SYT16: variants seen among roughly 807,000 people sequenced by gnomAD.
SYT16 encodes the protein synaptotagmin-16.
In SYT16, 42 loss-of-function variants were observed where a neutral mutation model predicts 61.4. The ratio of observed to expected loss-of-function variants is 0.68; its 90% CI spans 0.53 to 0.89. The LOEUF (loss-of-function observed/expected upper bound fraction) is 0.89. Ranked by LOEUF, SYT16 falls within the 40% of genes least tolerant of loss-of-function variation. SYT16 has a pLI of 0.00. For synonymous variants in SYT16, 314 were observed against 302.3 expected, an observed-to-expected ratio of 1.04 and a Z score of -0.40; for missense variants, 804 against 807.3, an observed-to-expected ratio of 1.00 and a Z score of 0.05.
At chr14:62,065,416 G>C (rs2056020559) in intron 3 of SYT16, among the ~76,000 whole-genome samples, 1 of 152,112 alleles carries the variant, frequency 6.6e-6, no homozygotes. Flanking sequence ...TGGTATATAT[G>C]TTTAGTATAT....
chr14:62,033,258 A>G (rs1318292570), intron 3 of SYT16, among the ~76,000 whole-genome samples: 1 of 152,084 alleles, frequency 6.6e-6, no homozygotes, highest in Non-Finnish European at 1.5e-5. Context: ...TATGAATGAA[A>G]TCAACTGCAT....
chr14:61,854,142 A>G lies in SYT16; in HGVS notation c.-325+41332A>G, dbSNP rs115792055. On this transcript the variant is annotated intron_variant, in intron 1 of 7. Transcript: ENST00000683842. ...CACATATGCACATACACACATGTAT[A>G]CATGTATATATACTTTTTCCAGAGA... is the stretch of plus-strand genomic sequence containing the variant. Among the ~76,000 whole-genome samples the G allele has an allele frequency of 7.6e-3, 1,162 of 152,336 alleles. 14 individuals carry two copies. Among genetic ancestry groups the G allele is most frequent in the African/African-American group, 0.026 (1,079 of 41,590 alleles).
intron 1 of SYT16, among the ~76,000 whole-genome samples, chr14:61,888,567 G>A (rs1044483257): frequency 6.6e-6 from 1 of 152,182 alleles, no homozygotes; most frequent in Non-Finnish European, 1.5e-5. Flanking sequence ...GGTGCAGTTT[G>A]TGGCACCCAA....
intron 3 of SYT16, among the ~76,000 whole-genome samples, chr14:62,038,414 G>C (rs375580630): frequency 6.6e-6 from 1 of 151,890 alleles, no homozygotes; most frequent in African/African-American, 2.4e-5. Flanking sequence ...AGAAACCCCT[G>C]TCCACGTCCT....
chr14:61,821,542 C>A (rs1261568507), intron 1 of SYT16, among the ~76,000 whole-genome samples: 1 of 152,168 alleles, frequency 6.6e-6, no homozygotes, highest in Non-Finnish European at 1.5e-5. Flanking sequence ...CAGACTCTTG[C>A]AGGCTGATGG....
chr14:61,971,203 A>G (rs750422734), intron 2 of SYT16, among the ~76,000 whole-genome samples: 10 of 152,162 alleles, frequency 6.6e-5, no homozygotes, highest in African/African-American at 1.7e-4. Flanking sequence ...ATAATGTAGG[A>G]ATAAAGGCAT....
intron 1 of SYT16, among the ~76,000 whole-genome samples, chr14:61,930,211 T>C (rs1417237555): frequency 6.6e-6 from 1 of 152,142 alleles, no homozygotes; most frequent in Non-Finnish European, 1.5e-5. Context: ...TCTCACTTCA[T>C]CCATGAGTTT....
At chr14:61,964,620 G>A (rs1019447351) in intron 1 of SYT16, among the ~76,000 whole-genome samples, 4 of 152,128 alleles carry the variant, frequency 2.6e-5, no homozygotes, top group African/African-American at 7.2e-5. Context: ...AGGATGCTGC[G>A]TAAACTTAGT....
At chr14:61,886,898 C>G (rs149333937) in intron 1 of SYT16, among the ~76,000 whole-genome samples, 37 of 98,152 alleles carry the variant, frequency 3.8e-4, no homozygotes, top group East Asian at 1.1e-3. Context: ...TTTTTTTTGT[C>G]TTTTTTTTTT....
intron 1 of SYT16, among the ~76,000 whole-genome samples, chr14:61,840,121 G>T (rs2046259764): frequency 6.6e-6 from 1 of 152,124 alleles, no homozygotes; most frequent in African/African-American, 2.4e-5. Context: ...GAAAATAAAA[G>T]ATTATAGAAT....
chr14:61,995,685 C>T (rs2052737940), intron 2 of SYT16, 191 bp from the exon 3 acceptor site: 1 of 212,964 alleles, frequency 4.7e-6, no homozygotes, highest in Admixed American at 5.5e-5. Context: ...TTCCACATGG[C>T]TATGGAGGTG....
chr14:62,079,975 C>T (rs1289087928), intron 5 of SYT16, among the ~76,000 whole-genome samples: 1 of 152,150 alleles, frequency 6.6e-6, no homozygotes. Flanking sequence ...ATTTTCATAT[C>T]AATGAAAACC....
intron 1 of SYT16, among the ~76,000 whole-genome samples, chr14:61,836,677 A>C (rs1257529516): frequency 6.6e-6 from 1 of 150,568 alleles, no homozygotes; most frequent in Non-Finnish European, 1.5e-5. Context: ...AACCTACTCA[A>C]CTACCTTAAG....
intron 1 of SYT16, among the ~76,000 whole-genome samples, chr14:61,845,659 T>C (rs1297824246): frequency 1.3e-5 from 2 of 152,186 alleles, no homozygotes; most frequent in Non-Finnish European, 2.9e-5. Flanking sequence ...TTCATTGATA[T>C]TTTGTATTCT....
intron 3 of SYT16, among the ~76,000 whole-genome samples, chr14:62,045,569 A>T (rs550135971): frequency 6.6e-6 from 1 of 152,130 alleles, no homozygotes; most frequent in Non-Finnish European, 1.5e-5. Flanking sequence ...GTCATTTAAC[A>T]TTAGGTATAT....
At chr14:61,968,630 C>T (rs1358495334) in intron 1 of SYT16, among the ~76,000 whole-genome samples, 1 of 152,204 alleles carries the variant, frequency 6.6e-6, no homozygotes, top group Non-Finnish European at 1.5e-5. Flanking sequence ...TCAAGTGCCA[C>T]ATCAATTACT....
At chr14:61,905,308 G>T (rs1174253026) in intron 1 of SYT16, among the ~76,000 whole-genome samples, 1 of 151,802 alleles carries the variant, frequency 6.6e-6, no homozygotes, top group Non-Finnish European at 1.5e-5. Context: ...ATTCATGGTA[G>T]GGATGTTAGC....
At chr14:61,883,373 A>G (rs903337901) in intron 1 of SYT16, among the ~76,000 whole-genome samples, 4 of 152,298 alleles carry the variant, frequency 2.6e-5, no homozygotes, top group African/African-American at 7.2e-5. Context: ...GATACCCACT[A>G]TCATTTTTCT....
intron 1 of SYT16, among the ~76,000 whole-genome samples, chr14:61,881,777 G>C (rs567523125): frequency 6.6e-6 from 1 of 152,028 alleles, no homozygotes; most frequent in African/African-American, 2.4e-5. Flanking sequence ...AATGTCTTAC[G>C]GGTACCTCAA....
Sources: allele counts gnomAD v4.1 joint callset (sites outside exome capture counted in the v4.1 genomes callset), GRCh38; gene constraint gnomAD v4.1.1; transcripts MANE v1.5; gene names NCBI Gene and HGNC (gene_info 2026-07-23, HGNC 2026-07-21).